The following PDE10A variants were observed in gnomAD, a reference collection of about 807,000 sequenced individuals.
The protein encoded by PDE10A is phosphodiesterase 10A.
Under a neutral mutation model 97.7 loss-of-function variants are expected in PDE10A, and 39 were observed. The observed-to-expected ratio is 0.40, with a 90% confidence interval of 0.31 to 0.52. PDE10A has a LOEUF of 0.52. Among genes scored for constraint, PDE10A ranks in the 20% least tolerant of loss-of-function variants. The pLI is 0.56. For synonymous variants in PDE10A, 371 were observed against 376.8 expected (o/e 0.98, Z 0.18); for missense variants, 731 against 1,047.8 (o/e 0.70, Z 4.17).
intron 16 of PDE10A, among the ~76,000 whole-genome samples, chr6:165,391,320 T>A (rs917114426): frequency 1.1e-4 from 16 of 152,204 alleles, no homozygotes; most frequent in African/African-American, 3.9e-4. Context: ...CAAAAATGAA[T>A]TAGGAACTTA....
intron 1 of PDE10A, among the ~76,000 whole-genome samples, chr6:165,836,431 G>A (rs939659689): frequency 3.9e-5 from 6 of 152,138 alleles, no homozygotes; most frequent in South Asian, 2.1e-4. Flanking sequence ...CAAGCCCTTC[G>A]GCCTCCATGA....
chr6:165,792,831 A>G (rs1276685448), intron 1 of PDE10A, among the ~76,000 whole-genome samples: 1 of 152,112 alleles, frequency 6.6e-6, no homozygotes, highest in East Asian at 1.9e-4. Flanking sequence ...TATTCAATAG[A>G]TTTTACTGAC....
intron 1 of PDE10A, among the ~76,000 whole-genome samples, chr6:165,600,260 G>C (rs118174059): frequency 0.027 from 4,078 of 152,308 alleles, 69 homozygotes; most frequent in Non-Finnish European, 0.037. Context: ...ACAGCCTGCA[G>C]CCCTTCCAAG....
chr6:165,757,348 T>C (rs75326254), intron 1 of PDE10A, among the ~76,000 whole-genome samples: 11,606 of 152,224 alleles, frequency 0.076, 500 homozygotes, highest in African/African-American at 0.12. Flanking sequence ...CCTTTTACTT[T>C]AGTTTATCAT....
chr6:165,470,673 A>T (rs756804096), intron 3 of PDE10A, among the ~76,000 whole-genome samples: 3 of 152,200 alleles, frequency 2.0e-5, no homozygotes, highest in Non-Finnish European at 4.4e-5. Flanking sequence ...CCTCTTTTCA[A>T]ATGATATAGA....
chr6:165,379,933 T>C (rs1784834155), intron 17 of PDE10A, among the ~76,000 whole-genome samples: 1 of 151,966 alleles, frequency 6.6e-6, no homozygotes, highest in African/African-American at 2.4e-5. Context: ...AGGGCAAGAG[T>C]ACCTTTCCCT....
At chr6:165,558,021 G>A (rs186979327) in intron 1 of PDE10A, among the ~76,000 whole-genome samples, 11 of 152,224 alleles carry the variant, frequency 7.2e-5, no homozygotes, top group Admixed American at 4.6e-4. Flanking sequence ...TATAACAAAC[G>A]ATATGCCTAA....
rs115462187 is a variant in PDE10A, at chr6:165,956,242, T to A, written c.-615+31287A>T. Among the ~76,000 whole-genome samples the A allele has an allele frequency of 8.1e-3, 1,229 of 152,324 alleles. 12 individuals carry two copies. Among genetic ancestry groups the A allele is most frequent in the African/African-American group, 0.028 (1,145 of 41,580 alleles). On this transcript the variant is annotated intron_variant, in intron 1 of 19. Transcript: ENST00000366882. ...AGAGCCTGGAGAGCAGGGTACCCTA[T>A]TAGCAGGAGAAATAACCCAAATACT...
intron 13 of PDE10A, among the ~76,000 whole-genome samples, chr6:165,403,590 A>G (rs1307535579): frequency 6.6e-6 from 1 of 152,206 alleles, no homozygotes; most frequent in Non-Finnish European, 1.5e-5. Flanking sequence ...TTTAATTTAC[A>G]TTTAAAATCG....
At chr6:165,596,456 C>T (rs1337471124) in intron 1 of PDE10A, among the ~76,000 whole-genome samples, 2 of 152,198 alleles carry the variant, frequency 1.3e-5, no homozygotes, top group African/African-American at 4.8e-5. Flanking sequence ...GAACCAGGTG[C>T]AGCAGTTTAT....
chr6:165,344,838 C>T (rs1782203197), intron 18 of PDE10A, among the ~76,000 whole-genome samples: 1 of 151,962 alleles, frequency 6.6e-6, no homozygotes, highest in South Asian at 2.1e-4. Context: ...GACTAAATCA[C>T]TTTACAAACA....
intron 1 of PDE10A, among the ~76,000 whole-genome samples, chr6:165,926,239 C>T (rs1308780367): frequency 6.6e-6 from 1 of 152,130 alleles, no homozygotes; most frequent in Non-Finnish European, 1.5e-5. Context: ...CAAGGCAGGA[C>T]CTGAGATGTT....
At chr6:165,812,662 T>A (rs1211964829) in intron 1 of PDE10A, among the ~76,000 whole-genome samples, 1 of 152,232 alleles carries the variant, frequency 6.6e-6, no homozygotes, top group East Asian at 1.9e-4. Flanking sequence ...AAGTTAGACA[T>A]CTAAAATTTT....
chr6:165,516,414 C>A (rs1008885794), intron 2 of PDE10A, among the ~76,000 whole-genome samples: 1 of 152,142 alleles, frequency 6.6e-6, no homozygotes, highest in Non-Finnish European at 1.5e-5. Flanking sequence ...ATATATGAGT[C>A]ATAGTATTCT....
intron 2 of PDE10A, among the ~76,000 whole-genome samples, chr6:165,542,612 CTTTTTTTTTTTT>C (rs545149187): frequency 1.3e-5 from 1 of 76,426 alleles, no homozygotes; most frequent in Non-Finnish European, 2.6e-5. Context: ...TGTCCTTGTT[CTTTTTTTTTTTT>C]TTTTTTTTTT....
intron 1 of PDE10A, among the ~76,000 whole-genome samples, chr6:165,772,476 C>T (rs1480021587): frequency 2.6e-5 from 4 of 152,166 alleles, no homozygotes; most frequent in South Asian, 2.1e-4. Flanking sequence ...CTAGGGCCTC[C>T]GCGCTGTGGC....
At chr6:165,583,880 C>T (rs1005884177) in intron 1 of PDE10A, among the ~76,000 whole-genome samples, 2 of 152,194 alleles carry the variant, frequency 1.3e-5, no homozygotes, top group African/African-American at 2.4e-5. Context: ...AAAATGTTCA[C>T]TTCCTGTTCC....
chr6:165,362,819 A>G (rs1171697941), intron 18 of PDE10A, among the ~76,000 whole-genome samples: 2 of 152,230 alleles, frequency 1.3e-5, no homozygotes, highest in Non-Finnish European at 2.9e-5. Context: ...CCTCAACGAA[A>G]TATCATCAAG....
At chr6:165,769,985 T>C (rs1198569797) in intron 1 of PDE10A, among the ~76,000 whole-genome samples, 1 of 152,218 alleles carries the variant, frequency 6.6e-6, no homozygotes, top group Non-Finnish European at 1.5e-5. Flanking sequence ...ATAATGTAAT[T>C]CCTGAAAAGG....
Sources: allele counts gnomAD v4.1 joint callset (sites outside exome capture counted in the v4.1 genomes callset), GRCh38; gene constraint gnomAD v4.1.1; transcripts MANE v1.5; gene names NCBI Gene and HGNC (gene_info 2026-07-23, HGNC 2026-07-21).